Variants in GALNT17 observed in about 807,000 individuals in gnomAD.
GALNT17 encodes the protein UDP-GalNAc:polypeptide N-acetylgalactosaminyltransferase-like 3.
Under a neutral mutation model 63.7 loss-of-function variants are expected in GALNT17, and 29 were observed. The observed-to-expected ratio is 0.46, with a 90% CI of 0.34 to 0.62. GALNT17 has a LOEUF of 0.62. GALNT17 is among the 20% of genes least tolerant of loss of function. GALNT17 has a pLI of 0.01. For missense variants in GALNT17, 603 were observed against 799.6 expected, an observed-to-expected ratio of 0.75 and a Z score of 2.97; for synonymous variants, 305 against 318.3, an observed-to-expected ratio of 0.96 and a Z score of 0.45.
chr7:71,313,361 T>G (rs1791443479), intron 1 of GALNT17, among the ~76,000 whole-genome samples: 1 of 152,214 alleles, frequency 6.6e-6, no homozygotes, highest in Admixed American at 6.5e-5. Context: ...GGCTGCATCT[T>G]CATACCTTTT....
chr7:71,198,067 G>A (rs908883386), intron 1 of GALNT17, among the ~76,000 whole-genome samples: 13 of 151,872 alleles, frequency 8.6e-5, no homozygotes, highest in South Asian at 2.1e-4. Flanking sequence ...ATGTGGTGGC[G>A]GGCTCCTGTA....
chr7:71,189,475 G>T (rs552811204), intron 1 of GALNT17, among the ~76,000 whole-genome samples: 131 of 152,288 alleles, frequency 8.6e-4, no homozygotes, highest in African/African-American at 3.1e-3. Context: ...AGGCGTCAGA[G>T]GGATTGATAA....
At chr7:71,638,916 G>A (rs1790565894) in intron 6 of GALNT17, among the ~76,000 whole-genome samples, 1 of 152,130 alleles carries the variant, frequency 6.6e-6, no homozygotes, top group Non-Finnish European at 1.5e-5. Context: ...AGAGTAGGAT[G>A]GTTATCAGAG....
At chr7:71,442,599 A>T (rs1482914897) in intron 5 of GALNT17, among the ~76,000 whole-genome samples, 1 of 152,168 alleles carries the variant, frequency 6.6e-6, no homozygotes, top group Non-Finnish European at 1.5e-5. Flanking sequence ...GGCTGCCAAC[A>T]TGACTCTAAA....
intron 1 of GALNT17, among the ~76,000 whole-genome samples, chr7:71,298,711 G>GGGGTGTGTGT (rs912627816): frequency 2.8e-5 from 4 of 141,592 alleles, no homozygotes; most frequent in African/African-American, 1.0e-4. Flanking sequence ...ATTCCAGTGG[G>GGGGTGTGTGT]GTGTGTGTGT....
intron 6 of GALNT17, among the ~76,000 whole-genome samples, chr7:71,651,535 C>T (rs1790755122): frequency 6.6e-6 from 1 of 152,072 alleles, no homozygotes; most frequent in South Asian, 2.1e-4. Context: ...ATCTCTTGAC[C>T]TCATGATCCA....
intron 1 of GALNT17, among the ~76,000 whole-genome samples, chr7:71,171,949 G>A (rs1453953708): frequency 1.3e-5 from 2 of 152,118 alleles, no homozygotes; most frequent in South Asian, 4.1e-4. Flanking sequence ...TTCCAGAAAG[G>A]ATGCACCCTC....
At chr7:71,417,419 G>A (rs1786555324) in intron 4 of GALNT17, among the ~76,000 whole-genome samples, 2 of 152,032 alleles carry the variant, frequency 1.3e-5, no homozygotes, top group African/African-American at 4.8e-5. Context: ...TCAAACCCTG[G>A]TGACACCCAG....
intron 1 of GALNT17, among the ~76,000 whole-genome samples, chr7:71,295,908 C>T (rs1583837939): frequency 6.6e-6 from 1 of 151,094 alleles, no homozygotes; most frequent in Non-Finnish European, 1.5e-5. Context: ...GTCTGCCTTT[C>T]TTTCTTGGGT....
At chr7:71,134,835 G>GTTTTTTTTTT (rs561383417) in intron 1 of GALNT17, among the ~76,000 whole-genome samples, 3 of 57,888 alleles carry the variant, frequency 5.2e-5, no homozygotes, top group African/African-American at 7.2e-5. Context: ...TTGTTTTATG[G>GTTTTTTTTTT]TTTTTTTTTT....
rs570760907 is a variant in GALNT17 at position 71,387,470 on chromosome 7, C to T, written c.423-765C>T. Among the ~76,000 whole-genome samples, 17 of 151,948 alleles carry T rather than the reference C, an allele frequency of 1.1e-4. No individual in the cohort carries two copies. The East Asian group carries it at 3.2e-3, about 28-fold the overall frequency. On this transcript the variant is annotated intron_variant, in intron 2 of 10. Coordinates refer to ENST00000333538, the MANE Select transcript of GALNT17 (RefSeq NM_022479.3). ...CCTCCCAAGTAGCTGTGAATACAGC[C>T]ATGCACCACTGCACCTGGCTAATTT... is the stretch of plus-strand genomic sequence containing the variant.
rs1329788856 is a variant in GALNT17 at position 71,687,282 on chromosome 7, C to CT, written c.1500+9978dup. Reference sequence around the variant, plus strand: ...TGATCTTGGACTCATTCTCTGATGGCTTCATCTTTTAAGCGATACATCATC... The same window carrying CT: ...TGATCTTGGACTCATTCTCTGATGGCTTTCATCTTTTAAGCGATACATCATC... On this transcript the variant is annotated intron_variant, in intron 9 of 10. Transcript: ENST00000333538. Among the ~76,000 whole-genome samples the CT allele has an allele frequency of 4.1e-4, 63 of 152,178 alleles. 2 individuals are homozygous for CT.
intron 5 of GALNT17, among the ~76,000 whole-genome samples, chr7:71,427,062 A>G (rs1340206663): frequency 1.3e-5 from 2 of 151,458 alleles, no homozygotes; most frequent in Middle Eastern, 3.2e-3. Context: ...TGAGGACTTT[A>G]TATATAGCTT....
intron 1 of GALNT17, among the ~76,000 whole-genome samples, chr7:71,236,441 G>A (rs1165714968): frequency 6.6e-6 from 1 of 152,204 alleles, no homozygotes; most frequent in Non-Finnish European, 1.5e-5. Context: ...TGTTGGACGG[G>A]CCTAGTCTCC....
chr7:71,390,815 G>A (rs1268063760), intron 3 of GALNT17, among the ~76,000 whole-genome samples: 1 of 152,182 alleles, frequency 6.6e-6, no homozygotes, highest in African/African-American at 2.4e-5. Flanking sequence ...TCTGAGTGGG[G>A]AAGTAAGACT....
At chr7:71,278,276 A>T (rs1026589986) in intron 1 of GALNT17, among the ~76,000 whole-genome samples, 1 of 152,176 alleles carries the variant, frequency 6.6e-6, no homozygotes, top group South Asian at 2.1e-4. Context: ...GCAACCTTGT[A>T]TTAATTTGCC....
At chr7:71,511,364 G>A (rs539596487) in intron 5 of GALNT17, among the ~76,000 whole-genome samples, 5 of 152,292 alleles carry the variant, frequency 3.3e-5, no homozygotes, top group African/African-American at 4.8e-5. Flanking sequence ...AGGGGAGAGC[G>A]TGAGAGCAGC....
chr7:71,621,310 C>G (rs774744371), intron 6 of GALNT17, among the ~76,000 whole-genome samples: 2 of 152,076 alleles, frequency 1.3e-5, no homozygotes, highest in African/African-American at 4.8e-5. Context: ...ACTTCATTAG[C>G]TTTCTTCTGT....
intron 5 of GALNT17, among the ~76,000 whole-genome samples, chr7:71,468,979 T>C (rs759483161): frequency 1.3e-5 from 2 of 152,112 alleles, no homozygotes; most frequent in Admixed American, 6.5e-5. Context: ...ACAGAAACGT[T>C]TATCACATCC....
Sources: gnomAD v4.1 joint callset for allele counts (sites outside exome capture counted in the v4.1 genomes callset) on GRCh38, gnomAD v4.1.1 for gene constraint, MANE v1.5 for transcripts, NCBI Gene and HGNC (gene_info 2026-07-23, HGNC 2026-07-21) for gene names.